Variants in CEP250 observed in about 807,000 individuals in gnomAD.
CEP250 encodes centrosomal protein 250, also known as centrosome-associated protein CEP250.
Under a neutral mutation model 315.7 loss-of-function variants are expected in CEP250, and 242 were observed. The observed-to-expected ratio is 0.77, with a 90% CI of 0.69 to 0.85. The LOEUF (loss-of-function observed/expected upper bound fraction) is 0.85. Ranked by LOEUF, CEP250 falls within the 40% of genes least tolerant of loss-of-function variation. The pLI is 0.00. For missense variants in CEP250, 2,515 were observed against 2,886.4 expected, an observed-to-expected ratio of 0.87 and a Z score of 2.95; for synonymous variants, 1,088 against 1,175.0, an observed-to-expected ratio of 0.93 and a Z score of 1.51.
chr20:35,463,064 T>TTATA (rs1440851903), intron 4 of CEP250, among the ~76,000 whole-genome samples: 2 of 152,232 alleles, frequency 1.3e-5, no homozygotes, highest in Admixed American at 6.5e-5. Context: ...ATTTATTTAT[T>TTATA]TATTTTTGAG....
intron 20 of CEP250, among the ~76,000 whole-genome samples, chr20:35,488,924 A>C (rs1290095562): frequency 5.9e-5 from 9 of 152,016 alleles, no homozygotes; most frequent in Non-Finnish European, 1.5e-5. Context: ...AGTGGCTCAC[A>C]CCTGTAATCC....
At chr20:35,472,983 C>T in intron 12 of CEP250, 152 bp downstream of exon 12, 1 of 724,972 alleles carries the variant, frequency 1.4e-6, no homozygotes, top group Non-Finnish European at 2.2e-6. Context: ...CTGCCTATGT[C>T]TGCTGAATTG....
intron 7 of CEP250, among the ~76,000 whole-genome samples, chr20:35,466,431 T>G (rs762073457): frequency 1.3e-5 from 2 of 152,160 alleles, no homozygotes; most frequent in Non-Finnish European, 2.9e-5. Context: ...GGAGGTAGCA[T>G]GACACTCAGA....
rs766933159 is a variant in CEP250 at position 35,498,009 on chromosome 20, C to G, written c.3597C>G (p.Ser1199Arg). 6.2e-7 allele frequency: 1 copy of G among 1,606,888 alleles called. No homozygotes were observed. Among genetic ancestry groups the G allele is most frequent in the Non-Finnish European group, 8.5e-7 (1 of 1,174,712 alleles). Residue 1199 changes from serine (S) to arginine (R), a missense_variant, in exon 26 of 35, where the codon AGC becomes AGG. Transcript: ENST00000397527. ...LQQALGSVCE[S>R]RPELSGGGDS... is the part of the protein sequence containing the mutation. ...AGGCCCTGGGGTCTGTTTGTGAGAG[C>G]AGGCCTGAGCTGAGTGGTGGGGGAG... is the stretch of plus-strand genomic sequence containing the variant.
Position 35,456,786 on chromosome 20 carries a change from C to CTTT in CEP250, c.-298+1049_-298+1051dup, listed in dbSNP as rs3838370. Among the ~76,000 whole-genome samples the CTTT allele has an allele frequency of 1.0e-3, 148 of 141,374 alleles. 4 individuals are homozygous for CTTT. The highest frequency in any genetic ancestry group is 3.7e-3 in the African/African-American group (142 of 38,224). 92.7% of individuals were successfully genotyped at this position (141,374 alleles called of 152,430 possible). A position where few individuals can be genotyped will look rare whatever the true frequency, so the allele number is the denominator to read the frequency against. ...GCTATAAGTTATATGCCTCCCCCCA[C>CTTT]TTTTTTTTTTTTTTTTGAGACCTGG... On this transcript the variant is annotated intron_variant, in intron 1 of 34. Coordinates refer to ENST00000397527, the MANE Select transcript of CEP250 (RefSeq NM_007186.6).
intron 26 of CEP250, among the ~76,000 whole-genome samples, chr20:35,498,335 A>G (rs901639151): frequency 5.9e-5 from 9 of 152,220 alleles, no homozygotes; most frequent in African/African-American, 2.2e-4. Context: ...CCAAGGAGTT[A>G]TGAGGTTGCA....
At position 35,511,786 on chromosome 20, in the gene CEP250, G is replaced by C; in HGVS notation, c.*160G>C. The C allele has an allele frequency of 7.0e-7, 1 of 1,418,774 alleles. No homozygotes were observed. Among genetic ancestry groups the C allele is most frequent in the Non-Finnish European group, 9.2e-7 (1 of 1,090,314 alleles). 87.9% of individuals were successfully genotyped at this position (1,418,774 alleles called of 1,614,324 possible). A position where few individuals can be genotyped will look rare whatever the true frequency, so the allele number is the denominator to read the frequency against. On this transcript the variant is annotated 3_prime_UTR_variant, in exon 35 of 35. Transcript: ENST00000397527. ...GAAGAGGAAGTAAATCTGCAACCCT[G>C]GGGAGGACCCCAACTCACCTGGGAA...
intron 14 of CEP250, among the ~76,000 whole-genome samples, chr20:35,474,273 G>T (rs995391693): frequency 3.3e-5 from 5 of 152,142 alleles, no homozygotes; most frequent in Admixed American, 2.0e-4. Flanking sequence ...ACACTGAGGG[G>T]GATACAGAAA....
chr20:35,508,868 A>C, intron 32 of CEP250, 75 bp from the exon 33 acceptor site: 1 of 1,228,150 alleles, frequency 8.1e-7, no homozygotes, highest in Non-Finnish European at 1.2e-6. Context: ...GGCACTGGCC[A>C]CCTCTGGAGA....
At chr20:35,494,308 A>C in intron 23 of CEP250, 1 of 548,762 alleles carries the variant, frequency 1.8e-6, no homozygotes. Flanking sequence ...GCCTCTATGC[A>C]GCATATGTGA....
intron 24 of CEP250, 34 bp from the exon 25 acceptor site, chr20:35,496,543 G>A (rs371568963): frequency 3.6e-5 from 57 of 1,592,856 alleles, no homozygotes; most frequent in Non-Finnish European, 4.9e-5. Context: ...TTCCCTAAGA[G>A]AATGGCCCAG....
chr20:35,473,629 C>A, intron 13 of CEP250, 77 bp downstream of exon 13: 1 of 1,429,000 alleles, frequency 7.0e-7, no homozygotes, highest in Non-Finnish European at 9.4e-7. Flanking sequence ...TTACCCACTC[C>A]CATCAGGTTT....
chr20:35,501,500 A>C (rs1008954742), intron 28 of CEP250, among the ~76,000 whole-genome samples: 1 of 152,094 alleles, frequency 6.6e-6, no homozygotes, highest in African/African-American at 2.4e-5. Flanking sequence ...CTGCACAATT[A>C]TAGGACTGGG....
chr20:35,484,399 CT>C (rs1222328213), intron 20 of CEP250, among the ~76,000 whole-genome samples: 1 of 152,126 alleles, frequency 6.6e-6, no homozygotes, highest in Non-Finnish European at 1.5e-5. Flanking sequence ...TGCAGCTCAG[CT>C]TGTGGTTATG....
Position 35,511,559 on chromosome 20 carries a change from G to C in CEP250, c.7262G>C (p.Ser2421Thr), listed in dbSNP as rs1207702602. ...AGGCTGGATGAGTCCCTGACTCAAA[G>C]TCTGACATCCCCAGGGCCAGTCCTG... ...TRRLDESLTQ[S>T]LTSPGPVLLH... Residue 2421 changes from serine to threonine, a missense_variant, in exon 35 of 35, where the codon AGT becomes ACT. Ser to Thr is a moderately conservative substitution (Grantham distance 58). Coordinates refer to ENST00000397527, the MANE Select transcript of CEP250 (RefSeq NM_007186.6). The C allele has an allele frequency of 1.2e-6, 2 of 1,613,878 alleles. No homozygotes were observed. The highest frequency in any genetic ancestry group is 1.3e-5 in the African/African-American group (1 of 74,906).
Position 35,518,695 on chromosome 20 carries a change from T to C in CEP250, c.*7069T>C, listed in dbSNP as rs907027237. 3 of 152,220 alleles carry C rather than the reference T, an allele frequency of 2.0e-5. No homozygotes were observed. The highest frequency in any genetic ancestry group is 4.4e-5 in the Non-Finnish European group (3 of 68,042). The allele number at this position is 152,220 out of a possible 1,614,324, so 9.4% of individuals were successfully genotyped here. A position where few individuals can be genotyped will look rare whatever the true frequency, so the allele number is the denominator to read the frequency against. On this transcript the variant is annotated 3_prime_UTR_variant, in exon 35 of 35. Coordinates refer to ENST00000397527, the MANE Select transcript of CEP250 (RefSeq NM_007186.6). ...TCTAATGTCCAAGTGTTCTTGTACT[T>C]GTCTAGGCCTAGAATCTTTTAGTGA...
intron 16 of CEP250, 97 bp downstream of exon 16, chr20:35,476,692 G>T: frequency 9.2e-7 from 1 of 1,091,218 alleles, no homozygotes. Flanking sequence ...TGAGCAAAAG[G>T]AACATTTACA....
chr20:35,460,437 C>T (rs751709337), intron 3 of CEP250, among the ~76,000 whole-genome samples: 22 of 152,138 alleles, frequency 1.4e-4, no homozygotes, highest in African/African-American at 4.3e-4. Flanking sequence ...GGGAGAGAAT[C>T]GGTGTGTGCA....
At chr20:35,509,898 C>T in intron 33 of CEP250, 100 bp from the exon 34 acceptor site, 1 of 1,093,058 alleles carries the variant, frequency 9.1e-7, no homozygotes, top group South Asian at 1.3e-5. Flanking sequence ...ATAGCCCTTG[C>T]CCAGGCCCCT....
Sources: gnomAD v4.1 joint callset for allele counts (sites outside exome capture counted in the v4.1 genomes callset) on GRCh38, gnomAD v4.1.1 for gene constraint, MANE v1.5 for transcripts, NCBI Gene and HGNC (gene_info 2026-07-23, HGNC 2026-07-21) for gene names.